AMBN: variants seen among roughly 807,000 people sequenced by gnomAD.
The protein encoded by AMBN is enamel matrix protein.
AMBN carries 54 observed loss-of-function variants against 48.0 expected under a neutral mutation model. That is an observed-to-expected ratio of 1.12 (90% confidence interval 0.90 to 1.41). The LOEUF is 1.41. AMBN is among the 40% of genes most tolerant of loss of function. The probability of loss-of-function intolerance (pLI) is 0.00; values close to 1 mark genes in which losing one functional copy is unlikely to be tolerated. For synonymous variants in AMBN, 186 were observed against 190.0 expected, an observed-to-expected ratio of 0.98 and a Z score of 0.17; for missense variants, 571 against 547.3, an observed-to-expected ratio of 1.04 and a Z score of -0.43.
chr4:70,603,428 A>G lies in AMBN; in HGVS notation c.721A>G (p.Met241Val). 1 of 1,613,214 alleles carries G rather than the reference A, an allele frequency of 6.2e-7. No individual in the cohort carries two copies. Among genetic ancestry groups the G allele is most frequent in the Non-Finnish European group, 8.5e-7 (1 of 1,179,868 alleles). ...GTATTTTATTTAGCTTTATCCAGGA[A>G]TGTTGTACGTGCCTTTTGGAGCAAA... Reference protein sequence around the residue: ...QNKQSPLYPGMLYVPFGANQL... With the variant: ...QNKQSPLYPGVLYVPFGANQL... The change falls in exon 11 of 13, where the codon ATG becomes GTG. Residue 241 changes from methionine (M) to valine (V), a missense_variant. Coordinates refer to ENST00000322937, the MANE Select transcript of AMBN (RefSeq NM_016519.6).
Position 70,594,029 on chromosome 4 carries a change from A to T in AMBN, c.84+634A>T, listed in dbSNP as rs570596037. Among the ~76,000 whole-genome samples the T allele has an allele frequency of 3.3e-3, 499 of 152,332 alleles. 5 individuals carry two copies. The highest frequency in any genetic ancestry group is 0.012 in the African/African-American group (484 of 41,586). Reference sequence around the variant, plus strand: ...ATTTTATTATCAACTTATTGCTATCATTATAAAGTTGAAATGGAAAGAGGA... The same window carrying T: ...ATTTTATTATCAACTTATTGCTATCTTTATAAAGTTGAAATGGAAAGAGGA... On this transcript the variant is annotated intron_variant, in intron 2 of 12. Transcript: ENST00000322937.
intron 1 of AMBN, among the ~76,000 whole-genome samples, chr4:70,592,958 C>T (rs1423444267): frequency 6.6e-6 from 1 of 152,158 alleles, no homozygotes; most frequent in African/African-American, 2.4e-5. Context: ...AAAGTATAAA[C>T]TTCTGTGAAT....
In AMBN at chr4:70,601,614, A is replaced by G; in HGVS notation, c.491A>G (p.Gln164Arg). The G allele has an allele frequency of 6.2e-7, 1 of 1,614,180 alleles. No individual in the cohort carries two copies. The change falls in exon 6 of 13, where the codon CAG becomes CGG. Residue 164 changes from glutamine (Q) to arginine (R), a missense_variant. Coordinates refer to ENST00000322937, the MANE Select transcript of AMBN (RefSeq NM_016519.6). ...PLQEGELPLV[Q>R]QQVAPSDKPP... ...CAGGAAGGAGAACTGCCTCTGGTTC[A>G]GCAGCAGGTGGCACCATCAGATAAG... is the stretch of plus-strand genomic sequence containing the variant.
chr4:70,594,112 T>G (rs1000738119), intron 2 of AMBN, among the ~76,000 whole-genome samples: 1 of 152,232 alleles, frequency 6.6e-6, no homozygotes, highest in Non-Finnish European at 1.5e-5. Flanking sequence ...TCTAAATTTC[T>G]ATGGTTACAA....
chr4:70,606,191 A>T lies in AMBN; in HGVS notation c.805A>T (p.Arg269Ter). 1 of 1,613,300 alleles carries T rather than the reference A, an allele frequency of 6.2e-7. No homozygotes were observed. Among genetic ancestry groups the T allele is most frequent in the Non-Finnish European group, 8.5e-7 (1 of 1,179,516 alleles). Residue 269 changes from arginine to a stop codon, truncating the protein, a stop_gained, in exon 13 of 13, where the codon AGA (arginine) becomes TGA (stop). Transcript: ENST00000322937. LOFTEE classifies it low-confidence loss of function (END_TRUNC). Reference sequence around the variant, plus strand: ...CGAATGTTTTTTTTTCCAGGGCGGGAGAGAAGACCCAATGGCCTATGGAGC... The same window carrying T: ...CGAATGTTTTTTTTTCCAGGGCGGGTGAGAAGACCCAATGGCCTATGGAGC... ...IMSSEEVAGGREDPMAYGAMF... is the reference protein window; with the variant it reads ...IMSSEEVAGG
At position 70,606,457 on chromosome 4, in the gene AMBN, TA is replaced by T. The variant is rs1737653641; in HGVS notation, c.1073del (p.Lys358ArgfsTer15). 1.9e-6 allele frequency: 3 copies of T among 1,613,786 alleles called. No homozygotes were observed. Among genetic ancestry groups the T allele is most frequent in the Admixed American group, 1.7e-5 (1 of 59,986 alleles). ...APHAGLLALP[K>X]DDIPGLPRSP... The stretch of plus-strand genomic sequence containing the variant: ...CCCACGCAGGGCTCCTTGCTCTCCC[TA>T]AGGATGACATTCCCGGCCTGCCAAG... On this transcript the variant is annotated frameshift_variant, in exon 13 of 13. Coordinates refer to ENST00000322937, the MANE Select transcript of AMBN (RefSeq NM_016519.6). LOFTEE classifies it low-confidence loss of function (END_TRUNC).
In AMBN at chr4:70,602,647, T is replaced by C. The variant is rs1450362645; in HGVS notation, c.555T>C (p.Asp185=). The change falls in exon 7 of 13, where the codon GAT becomes GAC. Residue 185 remains aspartate (D), a synonymous_variant. Coordinates refer to ENST00000322937, the MANE Select transcript of AMBN (RefSeq NM_016519.6). ...AGCTCCCAGGAGTAGATTTTGCTGATCCACAAGGTCCATCAGTAAGTACAG... is the reference window on the plus strand; with the variant it reads ...AGCTCCCAGGAGTAGATTTTGCTGACCCACAAGGTCCATCAGTAAGTACAG... ...KPELPGVDFA[D]PQGPSLPGMD... 1.3e-6 allele frequency: 2 copies of C among 1,571,270 alleles called. No homozygotes were observed. The highest frequency in any genetic ancestry group is 1.2e-5 in the South Asian group (1 of 82,066).
At chr4:70,604,711 G>C (rs1737602344) in intron 12 of AMBN, among the ~76,000 whole-genome samples, 1 of 150,532 alleles carries the variant, frequency 6.6e-6, no homozygotes, top group South Asian at 2.1e-4. Context: ...TTTCGTTTTT[G>C]GCTGGGCGCA....
chr4:70,600,787 C>T (rs902095303), intron 5 of AMBN, among the ~76,000 whole-genome samples: 2 of 152,092 alleles, frequency 1.3e-5, no homozygotes, highest in African/African-American at 2.4e-5. Flanking sequence ...TAGTTCCAGG[C>T]GGTCTTCCAC....
At chr4:70,603,943 T>C (rs1737584553) in intron 12 of AMBN, 22 bp downstream of exon 12, 1 of 1,612,182 alleles carries the variant, frequency 6.2e-7, no homozygotes, top group South Asian at 1.1e-5. Flanking sequence ...CTTCTAACTC[T>C]TCTTAAAATA....
chr4:70,594,524 C>A (rs1188593730), intron 2 of AMBN, among the ~76,000 whole-genome samples: 1 of 152,142 alleles, frequency 6.6e-6, no homozygotes. Flanking sequence ...ATTTTAATTC[C>A]TTGAAAGAAA....
At position 70,606,909 on chromosome 4, in the gene AMBN, T is replaced by A. The variant is rs1421843929; in HGVS notation, c.*179T>A. The A allele has an allele frequency of 6.2e-6, 4 of 649,882 alleles. No homozygotes were observed. Among genetic ancestry groups the A allele is most frequent in the Non-Finnish European group, 1.0e-5 (4 of 393,476 alleles). The allele number at this position is 649,882 out of a possible 1,614,324, so 40.3% of individuals were successfully genotyped here. A position where few individuals can be genotyped will look rare whatever the true frequency, so the allele number is the denominator to read the frequency against. On this transcript the variant is annotated 3_prime_UTR_variant, in exon 13 of 13. Transcript: ENST00000322937. ...GTAGGTCCCCTTCTTGCTTTCAATA[T>A]CTTGTTGAAATAAAATGTGTCAATT...
intron 12 of AMBN, among the ~76,000 whole-genome samples, chr4:70,604,594 A>T (rs1737598257): frequency 6.6e-6 from 1 of 152,244 alleles, no homozygotes; most frequent in African/African-American, 2.4e-5. Flanking sequence ...AAGTTAACAA[A>T]CACACACACA....
chr4:70,592,433 T>C, intron 1 of AMBN, 60 bp downstream of exon 1: 2 of 1,567,930 alleles, frequency 1.3e-6, no homozygotes, highest in Non-Finnish European at 1.8e-6. Context: ...TCCTATCTCC[T>C]GACAGCTTTT....
intron 9 of AMBN, 44 bp from the exon 10 acceptor site, chr4:70,603,216 A>T (rs747854302): frequency 6.4e-7 from 1 of 1,569,884 alleles, no homozygotes; most frequent in Admixed American, 1.7e-5. Context: ...TGTTATGGGG[A>T]TGTGCCTGTG....
chr4:70,603,646 ACACG>A (rs1737578522), intron 11 of AMBN, among the ~76,000 whole-genome samples, 186 bp downstream of exon 11: 1 of 151,410 alleles, frequency 6.6e-6, no homozygotes, highest in African/African-American at 2.4e-5. Context: ...ACACACACAC[ACACG>A]CACACGCACA....
At chr4:70,593,726 G>A (rs1001452441) in intron 2 of AMBN, among the ~76,000 whole-genome samples, 7 of 152,072 alleles carry the variant, frequency 4.6e-5, no homozygotes, top group Non-Finnish European at 7.4e-5. Context: ...TTAGCCAGGC[G>A]TGGTGGTGGG....
chr4:70,595,980 A>G (rs1340489500), intron 2 of AMBN, among the ~76,000 whole-genome samples: 14 of 152,086 alleles, frequency 9.2e-5, no homozygotes, highest in Non-Finnish European at 1.8e-4. Context: ...ACATAGTGAG[A>G]CCCCCATCTC....
Position 70,592,305 on chromosome 4 carries a change from T to G in AMBN, c.-54T>G, listed in dbSNP as rs1737290821. The stretch of plus-strand genomic sequence containing the variant: ...CACAGTCCTGAAAAAAATTTTAATC[T>G]TCTTTTCTTAGAACTATCTTGGTTG... On this transcript the variant is annotated 5_prime_UTR_variant, in exon 1 of 13. Transcript: ENST00000322937. The G allele has an allele frequency of 6.8e-6, 11 of 1,608,440 alleles. No homozygotes were observed. Among genetic ancestry groups the G allele is most frequent in the Non-Finnish European group, 7.7e-6 (9 of 1,175,462 alleles).
Sources: allele counts gnomAD v4.1 joint callset (sites outside exome capture counted in the v4.1 genomes callset), GRCh38; gene constraint gnomAD v4.1.1; transcripts MANE v1.5; gene names NCBI Gene and HGNC (gene_info 2026-07-23, HGNC 2026-07-21).